Variants in ANP32A observed in about 807,000 individuals in gnomAD.
ANP32A encodes the protein acidic leucine-rich nuclear phosphoprotein 32 family member A.
A neutral mutation model predicts 33.9 loss-of-function variants in ANP32A; 1 was observed. The ratio of observed to expected loss-of-function variants is 0.03; its 90% CI spans 0.01 to 0.14. ANP32A has a LOEUF of 0.14. ANP32A is among the 10% of genes least tolerant of loss of function. The pLI is 1.00. For missense variants in ANP32A, 155 were observed against 306.0 expected, an observed-to-expected ratio of 0.51 and a Z score of 3.68; for synonymous variants, 115 against 120.5, an observed-to-expected ratio of 0.95 and a Z score of 0.30.
intron 1 of ANP32A, among the ~76,000 whole-genome samples, chr15:68,813,353 C>G (rs1894337497): frequency 6.6e-6 from 1 of 152,176 alleles, no homozygotes; most frequent in African/African-American, 2.4e-5. Flanking sequence ...GAAGGTGGCT[C>G]AGGGCCATGG....
intron 1 of ANP32A, 114 bp downstream of exon 1, chr15:68,820,584 C>G: frequency 1.7e-6 from 1 of 577,942 alleles, no homozygotes; most frequent in Non-Finnish European, 2.7e-6. Flanking sequence ...CCCCCAAACC[C>G]GCACCTCCCG....
At chr15:68,792,464 T>G (rs1482384404) in intron 1 of ANP32A, among the ~76,000 whole-genome samples, 1 of 152,228 alleles carries the variant, frequency 6.6e-6, no homozygotes, top group Non-Finnish European at 1.5e-5. Flanking sequence ...GGTCCTGTAC[T>G]TCCTGAAAAA....
intron 1 of ANP32A, among the ~76,000 whole-genome samples, chr15:68,803,318 C>A (rs908551051): frequency 5.3e-5 from 8 of 152,218 alleles, no homozygotes; most frequent in African/African-American, 1.9e-4. Flanking sequence ...AAGGGGTAAG[C>A]CTCCTCTTGT....
At chr15:68,806,255 C>T (rs919532766) in intron 1 of ANP32A, among the ~76,000 whole-genome samples, 5 of 152,162 alleles carry the variant, frequency 3.3e-5, no homozygotes. Context: ...GTGGGTGCCT[C>T]TCAGACCAAG....
At chr15:68,808,805 G>A (rs769633135) in intron 1 of ANP32A, among the ~76,000 whole-genome samples, 3 of 152,184 alleles carry the variant, frequency 2.0e-5, no homozygotes, top group Non-Finnish European at 2.9e-5. Flanking sequence ...GAATTCTACA[G>A]GAGGCAGCAG....
intron 4 of ANP32A, among the ~76,000 whole-genome samples, chr15:68,783,370 A>G (rs1893894228): frequency 6.6e-6 from 1 of 151,976 alleles, no homozygotes; most frequent in African/African-American, 2.4e-5. Context: ...GGAAAGCGGC[A>G]AGATCAAATC....
chr15:68,818,888 G>C (rs2140377788), intron 1 of ANP32A, among the ~76,000 whole-genome samples: 1 of 151,594 alleles, frequency 6.6e-6, no homozygotes, highest in Non-Finnish European at 1.5e-5. Flanking sequence ...CGGGACGAAA[G>C]CGGCCGGAGA....
Position 68,792,640 on chromosome 15 carries a change from G to A in ANP32A, c.55-4721C>T, listed in dbSNP as rs150907607. Among the ~76,000 whole-genome samples the A allele has an allele frequency of 5.9e-5, 9 of 152,170 alleles. No individual in the cohort carries two copies. In the East Asian group the frequency reaches 1.3e-3, roughly 23 times the overall value. ...TTGGCCTTTCCCCTCTGTTCCCAAC[G>A]TTGCAGCACTGGTCACTGTCACCTC... is the stretch of plus-strand genomic sequence containing the variant. On this transcript the variant is annotated intron_variant, in intron 1 of 6. Coordinates refer to ENST00000465139, the MANE Select transcript of ANP32A (RefSeq NM_006305.4).
rs142767490 is a variant in ANP32A at position 68,784,449 on chromosome 15, C to T, written c.474G>A (p.Ser158=). 45 of 1,614,158 alleles carry T rather than the reference C, an allele frequency of 2.8e-5. No individual in the cohort carries two copies. Among genetic ancestry groups the T allele is most frequent in the Middle Eastern group, 1.6e-4 (1 of 6,062 alleles). ...YDRDDKEAPD[S]DAEGYVEGLD... is the part of the protein sequence containing the mutation. ...GGCCCTCCACGTAGCCCTCAGCATC[C>T]GAGTCAGGGGCCTCCTTGTCGTCCC... The change falls in exon 4 of 7, where the codon TCG becomes TCA. Residue 158 remains serine (S), a synonymous_variant. Transcript: ENST00000465139.
In ANP32A at chr15:68,820,775, G is replaced by A. The variant is rs762126245; in HGVS notation, c.-24C>T. The A allele has an allele frequency of 6.8e-6, 11 of 1,613,972 alleles. No homozygotes were observed. In the South Asian group the frequency reaches 1.2e-4, roughly 18 times the overall value. On this transcript the variant is annotated 5_prime_UTR_variant, in exon 1 of 7. Transcript: ENST00000465139. The stretch of plus-strand genomic sequence containing the variant: ...ATCTCTCGCGCTCTCTCTCTGCAGA[G>A]GCTCCCGCGCCGGCGGAATTCAATC...
At chr15:68,811,426 T>C (rs942165394) in intron 1 of ANP32A, among the ~76,000 whole-genome samples, 1 of 152,108 alleles carries the variant, frequency 6.6e-6, no homozygotes, top group African/African-American at 2.4e-5. Flanking sequence ...TGGGAGGGAT[T>C]AAGGCAGGTT....
chr15:68,808,902 C>T (rs964416485), intron 1 of ANP32A, among the ~76,000 whole-genome samples: 1 of 152,148 alleles, frequency 6.6e-6, no homozygotes, highest in Non-Finnish European at 1.5e-5. Context: ...ACTCTGCGGG[C>T]CTCTCTCTTT....
At chr15:68,799,675 AG>A (rs965008045) in intron 1 of ANP32A, among the ~76,000 whole-genome samples, 5 of 152,226 alleles carry the variant, frequency 3.3e-5, no homozygotes, top group Non-Finnish European at 7.3e-5. Context: ...GGGATGGACC[AG>A]GGCTCCTTGG....
chr15:68,800,742 T>C (rs376755175), intron 1 of ANP32A, among the ~76,000 whole-genome samples: 1 of 3,366 alleles, frequency 3.0e-4, no homozygotes, highest in Non-Finnish European at 1.3e-3. Flanking sequence ...AGACTCCGTC[T>C]CAAAAAAAAA....
At position 68,780,019 on chromosome 15, in the gene ANP32A, GA is replaced by G. The variant is rs1893846745; in HGVS notation, c.*61del. 1.4e-6 allele frequency: 2 copies of G among 1,450,894 alleles called. No individual in the cohort carries two copies. The highest frequency in any genetic ancestry group is 1.9e-6 in the Non-Finnish European group (2 of 1,045,392). The allele number at this position is 1,450,894 out of a possible 1,614,324, so 89.9% of individuals were successfully genotyped here. ...GGGGCAGGATTGGAGGGGGGGGGGA[GA>G]GGGGATATGGGTAAAAACAGTCAAA... On this transcript the variant is annotated 3_prime_UTR_variant, in exon 7 of 7. Coordinates refer to ENST00000465139, the MANE Select transcript of ANP32A (RefSeq NM_006305.4). This position sits in a 1 kb window ranked among gnomAD's most constrained non-coding sequence, Gnocchi z 4.3.
chr15:68,820,609 A>C, intron 1 of ANP32A, 89 bp downstream of exon 1: 1 of 286,848 alleles, frequency 3.5e-6, no homozygotes, highest in South Asian at 3.6e-5. Flanking sequence ...CCCCCCCCCA[A>C]AAAAAGTGCC....
At chr15:68,786,329 A>G (rs1171594030) in intron 3 of ANP32A, among the ~76,000 whole-genome samples, 1 of 136,380 alleles carries the variant, frequency 7.3e-6, no homozygotes, top group East Asian at 2.2e-4. Context: ...ACGCGATCTC[A>G]GCTCATTGCA....
intron 3 of ANP32A, 70 bp downstream of exon 3, chr15:68,787,343 G>A (rs1893945549): frequency 6.3e-7 from 1 of 1,595,854 alleles, no homozygotes; most frequent in Non-Finnish European, 8.6e-7. Flanking sequence ...AAATGCAAAA[G>A]TAGTATTTGC....
At chr15:68,809,010 C>T (rs1894277027) in intron 1 of ANP32A, among the ~76,000 whole-genome samples, 1 of 152,236 alleles carries the variant, frequency 6.6e-6, no homozygotes, top group Non-Finnish European at 1.5e-5. Flanking sequence ...AAGCCACCTT[C>T]CCACCCACCC....
Sources: allele counts gnomAD v4.1 joint callset (sites outside exome capture counted in the v4.1 genomes callset), GRCh38; gene constraint gnomAD v4.1.1; non-coding constraint Gnocchi (gnomAD v3.1); transcripts MANE v1.5; gene names NCBI Gene and HGNC (gene_info 2026-07-23, HGNC 2026-07-21).